The following ACSS3 variants were observed in gnomAD, a reference collection of about 807,000 sequenced individuals.
The protein encoded by ACSS3 is acyl-CoA synthetase short-chain family member 3, mitochondrial.
A neutral mutation model predicts 84.2 loss-of-function variants in ACSS3; 64 were observed. The ratio of observed to expected loss-of-function variants is 0.76; its 90% confidence interval spans 0.62 to 0.94. ACSS3 has a LOEUF of 0.94. Ranked by LOEUF, ACSS3 falls within the 40% of genes least tolerant of loss-of-function variation. The probability of loss-of-function intolerance (pLI) is 0.00; values close to 1 mark genes in which losing one functional copy is unlikely to be tolerated. For synonymous variants in ACSS3, 317 were observed against 310.1 expected, an observed-to-expected ratio of 1.02 and a Z score of -0.23; for missense variants, 815 against 867.6, an observed-to-expected ratio of 0.94 and a Z score of 0.76.
chr12:81,187,943 A>C (rs1457641155), intron 8 of ACSS3, among the ~76,000 whole-genome samples: 2 of 152,004 alleles, frequency 1.3e-5, no homozygotes, highest in Admixed American at 1.3e-4. Flanking sequence ...ATGATTTTAA[A>C]TCCTCTAATG....
chr12:81,170,768 C>T (rs1364315168), intron 7 of ACSS3, among the ~76,000 whole-genome samples: 1 of 152,050 alleles, frequency 6.6e-6, no homozygotes, highest in Non-Finnish European at 1.5e-5. Context: ...GAATCAACGT[C>T]TTTTTCTTTA....
chr12:81,240,711 CTTCTT>C (rs1401923361), intron 13 of ACSS3, among the ~76,000 whole-genome samples: 1 of 151,896 alleles, frequency 6.6e-6, no homozygotes, highest in African/African-American at 2.4e-5. Context: ...ATTAAATATA[CTTCTT>C]TTAACTTGTT....
chr12:81,172,568 C>T (rs1168102205), intron 7 of ACSS3, among the ~76,000 whole-genome samples: 2 of 151,086 alleles, frequency 1.3e-5, no homozygotes, highest in African/African-American at 4.9e-5. Flanking sequence ...CCCAGGAGGT[C>T]GAGGTTGTAG....
At chr12:81,136,939 C>T (rs958281958) in intron 3 of ACSS3, among the ~76,000 whole-genome samples, 1 of 152,014 alleles carries the variant, frequency 6.6e-6, no homozygotes, top group African/African-American at 2.4e-5. Flanking sequence ...CTTATCAGAG[C>T]AAGAGATGGT....
chr12:81,200,114 A>G (rs1348751316), intron 9 of ACSS3, among the ~76,000 whole-genome samples: 6 of 152,214 alleles, frequency 3.9e-5, no homozygotes, highest in Non-Finnish European at 8.8e-5. Flanking sequence ...TAAATGGATC[A>G]ACTATAAACT....
intron 8 of ACSS3, among the ~76,000 whole-genome samples, chr12:81,177,959 A>C (rs1354310340): frequency 2.0e-5 from 3 of 152,208 alleles, no homozygotes; most frequent in Non-Finnish European, 4.4e-5. Context: ...CCATCCCATT[A>C]CTGGGTATAT....
At chr12:81,085,006 G>C (rs1166773969) in intron 1 of ACSS3, among the ~76,000 whole-genome samples, 1 of 150,460 alleles carries the variant, frequency 6.6e-6, no homozygotes, top group African/African-American at 2.5e-5. Flanking sequence ...GTGGTATCTG[G>C]GTCAAGTAAA....
chr12:81,242,412 C>T (rs2033837602), intron 13 of ACSS3, among the ~76,000 whole-genome samples: 1 of 151,274 alleles, frequency 6.6e-6, no homozygotes. Flanking sequence ...GATTCACAGC[C>T]AAATTCTACC....
chr12:81,094,929 T>G (rs1881931947), intron 1 of ACSS3, among the ~76,000 whole-genome samples: 1 of 152,204 alleles, frequency 6.6e-6, no homozygotes, highest in African/African-American at 2.4e-5. Flanking sequence ...CTCCCCTGCA[T>G]CGTGCTGCTG....
At chr12:81,250,980 G>A (rs934041511) in intron 13 of ACSS3, among the ~76,000 whole-genome samples, 4 of 152,020 alleles carry the variant, frequency 2.6e-5, no homozygotes, top group African/African-American at 7.2e-5. Context: ...TTACTATCAC[G>A]ACCTTAACCT....
intron 2 of ACSS3, among the ~76,000 whole-genome samples, chr12:81,112,330 C>T (rs1428136791): frequency 6.6e-6 from 1 of 152,246 alleles, no homozygotes; most frequent in East Asian, 1.9e-4. Flanking sequence ...AATCAAACAT[C>T]GCAGTCAGGG....
intron 13 of ACSS3, among the ~76,000 whole-genome samples, chr12:81,241,680 GTTGT>G (rs1217579091): frequency 2.0e-5 from 3 of 152,206 alleles, no homozygotes; most frequent in Admixed American, 6.5e-5. Flanking sequence ...TTTTGATGGG[GTTGT>G]TTGTTTTTTT....
At chr12:81,115,779 A>G (rs117212139) in intron 2 of ACSS3, among the ~76,000 whole-genome samples, 2,442 of 152,256 alleles carry the variant, frequency 0.016, 35 homozygotes, top group Non-Finnish European at 0.026. Context: ...TAGTGAGCTG[A>G]TGGTGAGTTA....
At chr12:81,225,178 C>T (rs974137455) in intron 11 of ACSS3, among the ~76,000 whole-genome samples, 1 of 151,076 alleles carries the variant, frequency 6.6e-6, no homozygotes, top group African/African-American at 2.4e-5. Context: ...GTGTGTGTTT[C>T]TGTATGTGTG....
chr12:81,097,600 T>A (rs563123485), intron 1 of ACSS3, among the ~76,000 whole-genome samples: 1 of 152,330 alleles, frequency 6.6e-6, no homozygotes, highest in Non-Finnish European at 1.5e-5. Context: ...TGTGTCCTGC[T>A]CCTGCCCATT....
intron 11 of ACSS3, among the ~76,000 whole-genome samples, chr12:81,228,597 A>G (rs551752875): frequency 6.6e-6 from 1 of 151,920 alleles, no homozygotes; most frequent in East Asian, 1.9e-4. Context: ...GGTTAGCAGG[A>G]CATCTTCTTT....
chr12:81,168,654 A>G lies in ACSS3; in HGVS notation c.1099-6134A>G, dbSNP rs138488903. The stretch of plus-strand genomic sequence containing the variant: ...CTCAGGGTGCTATGTCCTATAAATC[A>G]TGACATTTATGTCCAGTCTAGAGTC... On this transcript the variant is annotated intron_variant, in intron 7 of 15. Coordinates refer to ENST00000548058, the MANE Select transcript of ACSS3 (RefSeq NM_024560.4). Among the ~76,000 whole-genome samples the G allele has an allele frequency of 1.7e-4, 26 of 152,320 alleles. No homozygotes were observed. The East Asian group carries it at 5.0e-3, about 29-fold the overall frequency.
intron 9 of ACSS3, among the ~76,000 whole-genome samples, chr12:81,206,216 G>A (rs2032338655): frequency 6.6e-6 from 1 of 152,052 alleles, no homozygotes; most frequent in South Asian, 2.1e-4. Flanking sequence ...TATCAAAATT[G>A]CACTATGGTG....
chr12:81,132,259 G>A (rs191516959), intron 2 of ACSS3, among the ~76,000 whole-genome samples: 149 of 152,188 alleles, frequency 9.8e-4, no homozygotes, highest in Non-Finnish European at 1.1e-3. Context: ...TCTGGTCCTG[G>A]ACTTTTTTTT....
Sources: gnomAD v4.1 joint callset for allele counts (sites outside exome capture counted in the v4.1 genomes callset) on GRCh38, gnomAD v4.1.1 for gene constraint, MANE v1.5 for transcripts, NCBI Gene and HGNC (gene_info 2026-07-23, HGNC 2026-07-21) for gene names.